The following IQCM variants were observed in gnomAD, a reference collection of about 807,000 sequenced individuals.
IQCM encodes IQ domain-containing protein M.
Under a neutral mutation model 57.6 loss-of-function variants are expected in IQCM, and 45 were observed. The observed-to-expected ratio is 0.78, with a 90% CI of 0.62 to 1.00. The LOEUF is 1.00. IQCM is among the 50% of genes least tolerant of loss of function. The probability of loss-of-function intolerance (pLI) is 0.00; values close to 1 mark genes in which losing one functional copy is unlikely to be tolerated. For missense variants in IQCM, 468 were observed against 511.6 expected, an observed-to-expected ratio of 0.91 and a Z score of 0.82; for synonymous variants, 148 against 158.9, an observed-to-expected ratio of 0.93 and a Z score of 0.51.
intron 8 of IQCM, among the ~76,000 whole-genome samples, chr4:149,614,515 TG>T (rs1226580492): frequency 6.6e-6 from 1 of 152,176 alleles, no homozygotes; most frequent in Non-Finnish European, 1.5e-5. Flanking sequence ...CTGTCCTTTC[TG>T]GGGCTGGAAC....
intron 12 of IQCM, among the ~76,000 whole-genome samples, chr4:149,513,945 T>C (rs1333950200): frequency 6.6e-6 from 1 of 152,144 alleles, no homozygotes. Flanking sequence ...CAACTCATAA[T>C]AGTCAAAAAG....
intron 7 of IQCM, among the ~76,000 whole-genome samples, chr4:149,639,554 A>G (rs1211500844): frequency 6.6e-6 from 1 of 152,130 alleles, no homozygotes; most frequent in African/African-American, 2.4e-5. Flanking sequence ...ATGGTGCCAA[A>G]TCAAATTTGA....
chr4:149,600,842 G>A (rs887311408), intron 8 of IQCM, among the ~76,000 whole-genome samples: 4 of 152,146 alleles, frequency 2.6e-5, no homozygotes, highest in Admixed American at 1.3e-4. Context: ...TAATCCATCT[G>A]GGTGAAAGCT....
Position 149,449,641 on chromosome 4 carries a change from G to A in IQCM, c.1229-16084C>T, listed in dbSNP as rs566782296. On this transcript the variant is annotated intron_variant, in intron 12 of 13. Coordinates refer to ENST00000636793, the MANE Select transcript of IQCM (RefSeq NM_001363507.2). The stretch of plus-strand genomic sequence containing the variant: ...GCTGCACATAAAATTAAATATCTAG[G>A]AATTAACCAAAGAAGCAAAAGATCT... Among the ~76,000 whole-genome samples, 197 of 150,708 alleles carry A rather than the reference G, an allele frequency of 1.3e-3. 9 individuals carry two copies. In the South Asian group the frequency reaches 0.04, roughly 31 times the overall value.
intron 12 of IQCM, among the ~76,000 whole-genome samples, chr4:149,437,219 C>T (rs928887585): frequency 2.6e-4 from 40 of 152,056 alleles, no homozygotes; most frequent in African/African-American, 9.2e-4. Context: ...TGGTCTCTCC[C>T]GTTGCTATCA....
intron 7 of IQCM, among the ~76,000 whole-genome samples, chr4:149,659,892 A>G (rs113851486): frequency 0.017 from 2,583 of 151,768 alleles, 83 homozygotes; most frequent in African/African-American, 0.06. Context: ...AAGAAAACCT[A>G]GGCATTACCA....
intron 8 of IQCM, among the ~76,000 whole-genome samples, chr4:149,600,312 G>A (rs939228672): frequency 1.3e-5 from 2 of 152,088 alleles, no homozygotes; most frequent in Non-Finnish European, 2.9e-5. Context: ...ACTCTGCAAA[G>A]CAGATGTTTT....
At chr4:149,762,552 G>A (rs867314762) in intron 2 of IQCM, among the ~76,000 whole-genome samples, 1 of 151,960 alleles carries the variant, frequency 6.6e-6, no homozygotes, top group East Asian at 1.9e-4. Context: ...GAACATAAAG[G>A]TTGCAGTATT....
chr4:149,802,174 C>A (rs1001757577), intron 2 of IQCM, among the ~76,000 whole-genome samples: 2 of 150,740 alleles, frequency 1.3e-5, no homozygotes, highest in South Asian at 2.1e-4. Context: ...ATGCTTCATG[C>A]AAAACTAGTC....
intron 7 of IQCM, among the ~76,000 whole-genome samples, chr4:149,641,510 A>C (rs1274580371): frequency 6.6e-6 from 1 of 152,168 alleles, no homozygotes; most frequent in Non-Finnish European, 1.5e-5. Context: ...AACATAAGCA[A>C]AAATATTTTT....
intron 8 of IQCM, among the ~76,000 whole-genome samples, chr4:149,598,063 G>T (rs1753941949): frequency 1.3e-5 from 2 of 152,158 alleles, no homozygotes; most frequent in South Asian, 2.1e-4. Flanking sequence ...AAGAAAGTAT[G>T]GTTGAGAGGA....
chr4:149,643,715 T>C (rs146439217), intron 7 of IQCM, among the ~76,000 whole-genome samples: 3 of 152,246 alleles, frequency 2.0e-5, no homozygotes, highest in African/African-American at 7.2e-5. Context: ...CAGAGAGGCT[T>C]GTCAGTCAGG....
chr4:149,750,178 C>A (rs1580197411), intron 2 of IQCM, among the ~76,000 whole-genome samples: 1 of 151,998 alleles, frequency 6.6e-6, no homozygotes, highest in South Asian at 2.1e-4. Flanking sequence ...GATAGGAAGA[C>A]CATAATTATC....
chr4:149,693,417 C>T (rs970829675), intron 5 of IQCM, among the ~76,000 whole-genome samples: 2 of 152,268 alleles, frequency 1.3e-5, no homozygotes, highest in East Asian at 1.9e-4. Flanking sequence ...TCACACATAA[C>T]GACACTACTG....
intron 8 of IQCM, among the ~76,000 whole-genome samples, chr4:149,602,655 T>G (rs1164924214): frequency 1.3e-5 from 2 of 152,134 alleles, no homozygotes; most frequent in Non-Finnish European, 2.9e-5. Flanking sequence ...TTGTATAGAT[T>G]TTTATAAGGT....
At chr4:149,732,759 G>A (rs1186173246) in intron 5 of IQCM, among the ~76,000 whole-genome samples, 1 of 152,172 alleles carries the variant, frequency 6.6e-6, no homozygotes, top group Non-Finnish European at 1.5e-5. Context: ...TTTGCTTAAA[G>A]CGATCTCTAA....
Position 149,455,128 on chromosome 4 carries a change from A to G in IQCM, c.1229-21571T>C, listed in dbSNP as rs188190596. Among the ~76,000 whole-genome samples, 15 of 152,228 alleles carry G rather than the reference A, an allele frequency of 9.9e-5. No homozygotes were observed. The East Asian group carries it at 2.7e-3, about 28-fold the overall frequency. ...TACATCCTGAAAAACCCAACAATGT[A>G]TGATACGTTTATTAGATGTAACCTT... is the stretch of plus-strand genomic sequence containing the variant. On this transcript the variant is annotated intron_variant, in intron 12 of 13. Coordinates refer to ENST00000636793, the MANE Select transcript of IQCM (RefSeq NM_001363507.2).
intron 8 of IQCM, 105 bp from the exon 9 acceptor site, chr4:149,588,102 T>C (rs1413353745): frequency 1.9e-5 from 8 of 427,200 alleles, no homozygotes; most frequent in African/African-American, 8.2e-5. Context: ...GGGAGAATCA[T>C]TATAATATAT....
At chr4:149,376,091 A>C (rs1316735421) in intron 13 of IQCM, among the ~76,000 whole-genome samples, 1 of 152,138 alleles carries the variant, frequency 6.6e-6, no homozygotes, top group Non-Finnish European at 1.5e-5. Context: ...AAACATTAGA[A>C]AGGGCATGAT....
Sources: allele counts gnomAD v4.1 joint callset (sites outside exome capture counted in the v4.1 genomes callset), GRCh38; gene constraint gnomAD v4.1.1; transcripts MANE v1.5; gene names NCBI Gene and HGNC (gene_info 2026-07-23, HGNC 2026-07-21).